Variants in PCDHGA3 observed in about 807,000 individuals in gnomAD.
PCDHGA3 encodes protocadherin gamma subfamily A, 3.
A neutral mutation model predicts 58.5 loss-of-function variants in PCDHGA3; 40 were observed. That is an observed-to-expected ratio of 0.68 (90% CI 0.53 to 0.89). The LOEUF (loss-of-function observed/expected upper bound fraction) is 0.89, where lower values mean the gene tolerates loss of function less well. PCDHGA3 is among the 40% of genes least tolerant of loss of function. The probability of loss-of-function intolerance (pLI) is 0.00; values close to 1 mark genes in which losing one functional copy is unlikely to be tolerated. For synonymous variants in PCDHGA3, 530 were observed against 525.7 expected (o/e 1.01, Z -0.11); for missense variants, 1,223 against 1,195.9 (o/e 1.02, Z -0.33).
intron 1 of PCDHGA3, chr5:141,424,098 C>T: frequency 8.3e-6 from 7 of 846,340 alleles, no homozygotes; most frequent in Non-Finnish European, 1.0e-5. Flanking sequence ...TTTGCTATTA[C>T]TGCTAATGTT....
intron 1 of PCDHGA3, chr5:141,388,330 G>A: frequency 6.2e-7 from 1 of 1,613,882 alleles, no homozygotes; most frequent in Non-Finnish European, 8.5e-7. Context: ...GCACAGCCTG[G>A]CACACGATTT....
chr5:141,346,458 G>T lies in PCDHGA3; in HGVS notation c.2424+1G>T. 1 of 1,614,152 alleles carries T rather than the reference G, an allele frequency of 6.2e-7. No individual in the cohort carries two copies. Among genetic ancestry groups the T allele is most frequent in the South Asian group, 1.1e-5 (1 of 91,082 alleles). On this transcript the variant is annotated splice_donor_variant, in intron 1 of 3. Transcript: ENST00000253812. LOFTEE classifies it high-confidence loss of function. The stretch of plus-strand genomic sequence containing the variant: ...GAAAGGAGATTCCAACCTACTTCAG[G>T]TGAGTTTATTTATTTCTTTGATTAT...
intron 1 of PCDHGA3, chr5:141,360,857 T>A (rs765284863): frequency 5.6e-6 from 9 of 1,613,894 alleles, no homozygotes; most frequent in Non-Finnish European, 7.6e-6. Context: ...AACCCTCCAG[T>A]GTTCAGCCAG....
chr5:141,408,561 T>C lies in PCDHGA3; in HGVS notation c.2424+62104T>C. On this transcript the variant is annotated intron_variant, in intron 1 of 3. Coordinates refer to ENST00000253812, the MANE Select transcript of PCDHGA3 (RefSeq NM_018916.4). ...AATCCTTTAAATATTTTTCATGTCA[T>C]TGTGGTGATTGAGGATGTTAATGAC... 6.2e-7 allele frequency: 1 copy of C among 1,613,994 alleles called. No homozygotes were observed.
At chr5:141,472,066 T>C (rs1440684719) in intron 1 of PCDHGA3, among the ~76,000 whole-genome samples, 1 of 152,140 alleles carries the variant, frequency 6.6e-6, no homozygotes, top group African/African-American at 2.4e-5. Flanking sequence ...GACATGTCTG[T>C]GGTTATATCA....
chr5:141,362,466 G>A, intron 1 of PCDHGA3: 1 of 1,614,042 alleles, frequency 6.2e-7, no homozygotes, highest in Non-Finnish European at 8.5e-7. Flanking sequence ...TGGTTCCCGC[G>A]CAAGATCTCG....
At position 141,476,356 on chromosome 5, in the gene PCDHGA3, C is replaced by T. The variant is rs757679991; in HGVS notation, c.2425-18451C>T. The stretch of plus-strand genomic sequence containing the variant: ...CTAGCCGAAGATTCTTTGAGGTGAA[C>T]CGGGAGACCGGAGAGATGTTTGTGA... On this transcript the variant is annotated intron_variant, in intron 1 of 3. Coordinates refer to ENST00000253812, the MANE Select transcript of PCDHGA3 (RefSeq NM_018916.4). This position sits in a 1 kb window ranked among gnomAD's most constrained non-coding sequence, Gnocchi z 7.6. 6 of 1,613,958 alleles carry T rather than the reference C, an allele frequency of 3.7e-6. No individual in the cohort carries two copies. The African/African-American group carries it at 4.0e-5, about 11-fold the overall frequency.
chr5:141,502,027 C>T (rs547850211), intron 2 of PCDHGA3, among the ~76,000 whole-genome samples: 6 of 152,274 alleles, frequency 3.9e-5, no homozygotes, highest in African/African-American at 9.6e-5. Flanking sequence ...CTGCAACCCC[C>T]GCCGCTTGCC....
rs777924092 is a variant in PCDHGA3 at position 141,487,482 on chromosome 5, A to T, written c.2425-7325A>T. The T allele has an allele frequency of 1.2e-6, 2 of 1,614,164 alleles. No individual in the cohort carries two copies. Among genetic ancestry groups the T allele is most frequent in the South Asian group, 2.2e-5 (2 of 91,086 alleles). ...TTTGTTGATGTGGGAGGCCACTCTCATGGCTGTACACCCTTGGCTTCTGCA... is the reference window on the plus strand; with the variant it reads ...TTTGTTGATGTGGGAGGCCACTCTCTTGGCTGTACACCCTTGGCTTCTGCA... On this transcript the variant is annotated intron_variant, in intron 1 of 3. Coordinates refer to ENST00000253812, the MANE Select transcript of PCDHGA3 (RefSeq NM_018916.4). The surrounding 1 kb of genome is among the most constrained non-coding windows in gnomAD (Gnocchi z 5.0).
intron 1 of PCDHGA3, chr5:141,355,546 A>T: frequency 6.2e-7 from 1 of 1,613,986 alleles, no homozygotes; most frequent in South Asian, 1.1e-5. Flanking sequence ...TACAGTGAAG[A>T]TTTTGCGGGT....
chr5:141,371,161 C>T, intron 1 of PCDHGA3: 1 of 1,614,006 alleles, frequency 6.2e-7, no homozygotes, highest in South Asian at 1.1e-5. Context: ...GAGAACCTGC[C>T]CGCTGGCTCC....
intron 1 of PCDHGA3, among the ~76,000 whole-genome samples, chr5:141,402,245 A>G (rs1196349685): frequency 6.6e-6 from 1 of 152,078 alleles, no homozygotes; most frequent in East Asian, 1.9e-4. Flanking sequence ...TTTATCATCA[A>G]AATAAACCCC....
intron 1 of PCDHGA3, chr5:141,392,627 G>T: frequency 1.7e-6 from 1 of 584,572 alleles, no homozygotes; most frequent in Non-Finnish European, 2.9e-6. Flanking sequence ...AAAACACTCA[G>T]ATCTCACACC....
rs754536860 is a variant in PCDHGA3, at chr5:141,432,221, A to G, written c.2425-62586A>G. The G allele has an allele frequency of 2.5e-6, 4 of 1,614,190 alleles. No homozygotes were observed. The South Asian group carries it at 4.4e-5, about 18-fold the overall frequency. ...CGACTGTGAAGAGAACGCCCAGATC[A>G]CTTATTCCCTGGCTGAGAACACCAT... On this transcript the variant is annotated intron_variant, in intron 1 of 3. Coordinates refer to ENST00000253812, the MANE Select transcript of PCDHGA3 (RefSeq NM_018916.4). The surrounding 1 kb of genome is among the most constrained non-coding windows in gnomAD (Gnocchi z 6.0).
At chr5:141,350,693 C>T (rs760597498) in intron 1 of PCDHGA3, 1 of 1,613,390 alleles carries the variant, frequency 6.2e-7, no homozygotes, top group Non-Finnish European at 8.5e-7. Flanking sequence ...GTCAGCCTTA[C>T]CCGGGGTAAA....
chr5:141,420,511 A>G (rs958868048), intron 1 of PCDHGA3: 23 of 419,992 alleles, frequency 5.5e-5, no homozygotes, highest in Middle Eastern at 6.5e-4. Context: ...ATTTTTATGA[A>G]GTAAAATACC....
In PCDHGA3 at chr5:141,357,583, C is replaced by G. The variant is rs756550703; in HGVS notation, c.2424+11126C>G. ...GAAAAGCGAGCCTCTTCTGATAACT[C>G]AGGATTTACTTGAAACAAAAGGAGA... is the stretch of plus-strand genomic sequence containing the variant. On this transcript the variant is annotated intron_variant, in intron 1 of 3. Transcript: ENST00000253812. The G allele has an allele frequency of 1.9e-6, 3 of 1,614,070 alleles. No homozygotes were observed. In the African/African-American group the frequency reaches 4.0e-5, roughly 22 times the overall value.
chr5:141,389,604 G>A, intron 1 of PCDHGA3: 1 of 1,613,156 alleles, frequency 6.2e-7, no homozygotes, highest in Non-Finnish European at 8.5e-7. Flanking sequence ...TGCGCTCTTC[G>A]ATATGGTGCC....
Position 141,432,521 on chromosome 5 carries a change from G to C in PCDHGA3, c.2425-62286G>C. ...CCGCTCCGCAGAGCCCGGCTACCTG[G>C]TGACCAAGGTGGTGGCGGTGGACAG... On this transcript the variant is annotated intron_variant, in intron 1 of 3. Transcript: ENST00000253812. The surrounding 1 kb of genome is among the most constrained non-coding windows in gnomAD (Gnocchi z 6.0). 1.2e-6 allele frequency: 2 copies of C among 1,614,112 alleles called. No individual in the cohort carries two copies. The highest frequency in any genetic ancestry group is 1.7e-6 in the Non-Finnish European group (2 of 1,180,028).
Sources: gnomAD v4.1 joint callset for allele counts (sites outside exome capture counted in the v4.1 genomes callset) on GRCh38, gnomAD v4.1.1 for gene constraint, Gnocchi (gnomAD v3.1) non-coding constraint, MANE v1.5 for transcripts, NCBI Gene and HGNC (gene_info 2026-07-23, HGNC 2026-07-21) for gene names.